Variants in SNED1 observed in about 807,000 individuals in gnomAD.
SNED1 encodes the protein sushi, nidogen and EGF-like domain-containing protein 1.
SNED1 carries 81 observed loss-of-function variants against 166.7 expected under a neutral mutation model. The observed-to-expected ratio is 0.49, with a 90% CI of 0.41 to 0.58. The LOEUF (loss-of-function observed/expected upper bound fraction) is 0.58. Ranked by LOEUF, SNED1 falls within the 20% of genes least tolerant of loss-of-function variation. SNED1 has a pLI of 0.00. For missense variants in SNED1, 1,604 were observed against 2,000.2 expected, an observed-to-expected ratio of 0.80 and a Z score of 3.78; for synonymous variants, 762 against 822.0, an observed-to-expected ratio of 0.93 and a Z score of 1.25.
chr2:241,086,241 A>G (rs925540147), intron 29 of SNED1, among the ~76,000 whole-genome samples: 2 of 152,160 alleles, frequency 1.3e-5, no homozygotes, highest in African/African-American at 4.8e-5. Context: ...TCAACTCCTC[A>G]GTAGTTCTTC....
intron 1 of SNED1, among the ~76,000 whole-genome samples, chr2:241,001,053 G>A (rs892793193): frequency 7.9e-5 from 12 of 152,204 alleles, no homozygotes; most frequent in African/African-American, 2.9e-4. Flanking sequence ...CAGGCCGAGC[G>A]GACCCTCTTC....
intron 8 of SNED1, among the ~76,000 whole-genome samples, chr2:241,046,888 T>C (rs2061662234): frequency 6.6e-6 from 1 of 152,190 alleles, no homozygotes; most frequent in Admixed American, 6.5e-5. Flanking sequence ...CTCACCCCTG[T>C]AATCCCAGCA....
At chr2:241,084,001 A>G (rs2125315268) in intron 29 of SNED1, among the ~76,000 whole-genome samples, 2 of 151,432 alleles carry the variant, frequency 1.3e-5, no homozygotes, top group South Asian at 4.2e-4. Flanking sequence ...TGTCTCCACT[A>G]TGGGCTTACT....
intron 1 of SNED1, among the ~76,000 whole-genome samples, chr2:241,012,867 G>T (rs930384355): frequency 7.1e-6 from 1 of 141,600 alleles, no homozygotes; most frequent in Non-Finnish European, 1.5e-5. Flanking sequence ...ATGGAGTCTC[G>T]CTCTTTCGCC....
intron 20 of SNED1, 144 bp from the exon 21 acceptor site, chr2:241,065,155 G>A (rs1004792116): frequency 4.4e-5 from 39 of 891,604 alleles, no homozygotes; most frequent in Middle Eastern, 4.5e-4. Context: ...CTGGAGGTAC[G>A]TGGCCAGGGA....
chr2:241,034,826 G>A (rs949471116), intron 4 of SNED1, 96 bp downstream of exon 4: 17 of 1,333,842 alleles, frequency 1.3e-5, no homozygotes, highest in Middle Eastern at 4.8e-4. Flanking sequence ...GGATGCTGAC[G>A]GGGAGAGCAG....
chr2:241,081,998 G>A (rs992699114), intron 28 of SNED1, among the ~76,000 whole-genome samples: 6 of 152,188 alleles, frequency 3.9e-5, no homozygotes, highest in African/African-American at 7.2e-5. Context: ...TGCCCATCAC[G>A]GGGGTCAGAA....
At chr2:241,019,685 G>A (rs541083849) in intron 1 of SNED1, among the ~76,000 whole-genome samples, 9 of 152,302 alleles carry the variant, frequency 5.9e-5, no homozygotes, top group South Asian at 2.1e-4. Flanking sequence ...AAGAGGCAGC[G>A]CGGTCCGATC....
In SNED1 at chr2:241,031,482, C is replaced by T. The variant is rs187100231; in HGVS notation, c.501+911C>T. On this transcript the variant is annotated intron_variant, in intron 2 of 31. Coordinates refer to ENST00000310397, the MANE Select transcript of SNED1 (RefSeq NM_001080437.3). ...ACAGGCAAGTGTTCTAGGCACTGGG[C>T]AGACAGCCCTGGACGAAGCAGACAA... 5.9e-5 allele frequency among the ~76,000 whole-genome samples: 9 copies of T among 152,362 alleles called. No homozygotes were observed. The East Asian group carries it at 1.7e-3, about 29-fold the overall frequency.
intron 27 of SNED1, among the ~76,000 whole-genome samples, chr2:241,078,912 G>A (rs542714135): frequency 1.5e-4 from 22 of 151,670 alleles, no homozygotes; most frequent in African/African-American, 4.8e-4. Context: ...TCAGGAGTTC[G>A]AGACCAGCCT....
In SNED1 at chr2:241,036,804, G is replaced by A; in HGVS notation, c.820G>A (p.Ala274Thr). Residue 274 changes from alanine (A) to threonine (T), a missense_variant, in exon 5 of 32, where the codon GCC (alanine) becomes ACC (threonine). This residue lies in a region of SNED1 where 1,237 missense variants were observed against 1,620.8 expected (regional missense o/e 0.76). Coordinates refer to ENST00000310397, the MANE Select transcript of SNED1 (RefSeq NM_001080437.3). The part of the protein sequence containing the change: ...GCGHTTSVCL[A>T]LRPCLNGGKC... ...TATGTCTGCAGCGTCCGTGTGCCTG[G>A]CCCTGCGCCCCTGCCTCAACGGCGG... The A allele has an allele frequency of 6.2e-7, 1 of 1,609,084 alleles. No individual in the cohort carries two copies. Among genetic ancestry groups the A allele is most frequent in the Non-Finnish European group, 8.5e-7 (1 of 1,179,638 alleles).
At chr2:241,006,270 A>G (rs1331059666) in intron 1 of SNED1, among the ~76,000 whole-genome samples, 1 of 151,856 alleles carries the variant, frequency 6.6e-6, no homozygotes, top group African/African-American at 2.4e-5. Context: ...TTCTTCCCTC[A>G]TTATGTTGAC....
chr2:241,019,488 G>T (rs1367493640), intron 1 of SNED1, among the ~76,000 whole-genome samples: 4 of 152,268 alleles, frequency 2.6e-5, no homozygotes, highest in African/African-American at 9.6e-5. Context: ...GGTGGTCCTG[G>T]GGGCAGGGGC....
chr2:241,038,382 G>A (rs2061434624), intron 6 of SNED1, among the ~76,000 whole-genome samples: 1 of 152,200 alleles, frequency 6.6e-6, no homozygotes, highest in Admixed American at 6.5e-5. Flanking sequence ...AGCTATAGTT[G>A]AATGGCAGTA....
At chr2:241,079,140 C>T (rs2063200815) in intron 27 of SNED1, among the ~76,000 whole-genome samples, 1 of 137,686 alleles carries the variant, frequency 7.3e-6, no homozygotes, top group Non-Finnish European at 1.5e-5. Context: ...AGGCCGGGCG[C>T]GGTGGCTCAC....
At position 241,065,420 on chromosome 2, in the gene SNED1, C is replaced by T. The variant is rs1445502148; in HGVS notation, c.2835C>T (p.Tyr945=). The T allele has an allele frequency of 3.1e-6, 5 of 1,613,124 alleles. No homozygotes were observed. The highest frequency in any genetic ancestry group is 3.3e-5 in the Admixed American group (2 of 60,020). Reference sequence around the variant, plus strand: ...TGCTTGATGGCTACGCGGTCACCTACGTCTCCTCCGACGGCTCCTACCGCC... The same window carrying T: ...TGCTTGATGGCTACGCGGTCACCTATGTCTCCTCCGACGGCTCCTACCGCC... ...RQMLDGYAVT[Y]VSSDGSYRRT... is the part of the protein sequence containing the mutation. The change falls in exon 21 of 32, where the codon TAC becomes TAT. Residue 945 remains tyrosine (Y), a synonymous_variant. Transcript: ENST00000310397.
Position 241,052,127 on chromosome 2 carries a change from C to G in SNED1, c.1939C>G (p.Pro647Ala). ...TGGCAAATACAAGTGTGACTGTCCCCCAGGCTTCTCCGGGCGGCACTGCGA... is the reference window on the plus strand; with the variant it reads ...TGGCAAATACAAGTGTGACTGTCCCGCAGGCTTCTCCGGGCGGCACTGCGA... The part of the protein sequence containing the change: ...YIGKYKCDCP[P>A]GFSGRHCEIA... Residue 647 changes from proline to alanine, a missense_variant, in exon 14 of 32, where the codon CCA (proline) becomes GCA (alanine). By Grantham distance (27) the Pro-to-Ala change is conservative (BLOSUM62 -1). Transcript: ENST00000310397. The G allele has an allele frequency of 1.2e-6, 2 of 1,613,866 alleles. No individual in the cohort carries two copies. Among genetic ancestry groups the G allele is most frequent in the Non-Finnish European group, 1.7e-6 (2 of 1,179,838 alleles).
intron 16 of SNED1, among the ~76,000 whole-genome samples, chr2:241,061,047 G>A (rs1437538855): frequency 6.6e-6 from 1 of 150,514 alleles, no homozygotes; most frequent in Non-Finnish European, 1.5e-5. Flanking sequence ...AAAAAGAAAT[G>A]ATGAACATAC....
rs535773145 is a variant in SNED1, at chr2:241,069,692, A to T, written c.3308-228A>T. 3.3e-5 allele frequency among the ~76,000 whole-genome samples: 5 copies of T among 151,964 alleles called. No homozygotes were observed. In the Middle Eastern group the frequency reaches 0.01, roughly 312 times the overall value. ...AGGGCCTGGGGGCTTCACAGGGTGG[A>T]TCCTAACCCGAGGGGAGGGTGGCAA... On this transcript the variant is annotated intron_variant, in intron 23 of 31. Coordinates refer to ENST00000310397, the MANE Select transcript of SNED1 (RefSeq NM_001080437.3). This position sits in a 1 kb window ranked among gnomAD's most constrained non-coding sequence, Gnocchi z 4.9.
Sources: gnomAD v4.1 joint callset for allele counts (sites outside exome capture counted in the v4.1 genomes callset) on GRCh38, gnomAD v4.1.1 for gene constraint, gnomAD v4.1.1 regional missense constraint, Gnocchi (gnomAD v3.1) non-coding constraint, MANE v1.5 for transcripts, NCBI Gene and HGNC (gene_info 2026-07-23, HGNC 2026-07-21) for gene names.